The following RALYL variants were observed in gnomAD, a reference collection of about 807,000 sequenced individuals.
RALYL encodes RNA-binding Raly-like protein.
Under a neutral mutation model 35.1 loss-of-function variants are expected in RALYL, and 29 were observed. The ratio of observed to expected loss-of-function variants is 0.83; its 90% CI spans 0.61 to 1.13. The LOEUF (loss-of-function observed/expected upper bound fraction) is 1.13. Ranked by LOEUF, RALYL falls within the 50% of genes most tolerant of loss-of-function variation. The pLI, the probability that RALYL is intolerant of heterozygous loss-of-function variation, is 0.00. For synonymous variants in RALYL, 120 were observed against 127.6 expected (o/e 0.94, Z 0.40); for missense variants, 359 against 360.4 (o/e 1.00, Z 0.03).
intron 2 of RALYL, among the ~76,000 whole-genome samples, chr8:84,537,841 CA>C (rs1331068140): frequency 6.6e-6 from 1 of 152,076 alleles, no homozygotes; most frequent in Non-Finnish European, 1.5e-5. Flanking sequence ...TTTATGAAAA[CA>C]AAAATCTCAG....
At chr8:84,830,154 G>T (rs975292927) in intron 4 of RALYL, among the ~76,000 whole-genome samples, 157 of 151,936 alleles carry the variant, frequency 1.0e-3, no homozygotes, top group Non-Finnish European at 3.8e-4. Context: ...TCACCTCATT[G>T]GACCTCATCT....
intron 1 of RALYL, among the ~76,000 whole-genome samples, chr8:84,491,830 G>A (rs1014854722): frequency 6.6e-6 from 1 of 151,874 alleles, no homozygotes; most frequent in African/African-American, 2.4e-5. Context: ...TCTAAATTGA[G>A]AAGGAAGTTG....
intron 1 of RALYL, among the ~76,000 whole-genome samples, chr8:84,340,403 C>A (rs1334545247): frequency 6.6e-6 from 1 of 152,118 alleles, no homozygotes; most frequent in East Asian, 1.9e-4. Flanking sequence ...TCTTACATAA[C>A]TGAAACACCA....
chr8:84,891,168 T>C (rs1218688051), intron 8 of RALYL, among the ~76,000 whole-genome samples: 2 of 152,064 alleles, frequency 1.3e-5, no homozygotes, highest in African/African-American at 2.4e-5. Flanking sequence ...GGGGCTCAGA[T>C]GCAAGATGAG....
chr8:84,230,871 C>T (rs747517653), intron 1 of RALYL, among the ~76,000 whole-genome samples: 3 of 152,196 alleles, frequency 2.0e-5, no homozygotes, highest in African/African-American at 2.4e-5. Context: ...CATTAAATAG[C>T]GCAGTTGGTA....
intron 1 of RALYL, among the ~76,000 whole-genome samples, chr8:84,457,345 T>A (rs180806625): frequency 6.6e-6 from 1 of 152,132 alleles, no homozygotes. Flanking sequence ...TTAAAATTTT[T>A]AAATACTTTT....
At chr8:84,892,610 TA>T (rs766053248) in intron 8 of RALYL, among the ~76,000 whole-genome samples, 5,301 of 122,216 alleles carry the variant, frequency 0.043, 190 homozygotes, top group African/African-American at 0.1. Context: ...AACTCTGTCT[TA>T]AAAAAAAAAA....
intron 1 of RALYL, among the ~76,000 whole-genome samples, chr8:84,452,211 G>A (rs1303949495): frequency 3.3e-5 from 5 of 149,858 alleles, no homozygotes; most frequent in Non-Finnish European, 5.9e-5. Context: ...CAGGGTGACA[G>A]CTTGGTTTGT....
At chr8:84,276,132 C>CATTGTTTT (rs1207476838) in intron 1 of RALYL, among the ~76,000 whole-genome samples, 1 of 151,956 alleles carries the variant, frequency 6.6e-6, no homozygotes, top group East Asian at 1.9e-4. Flanking sequence ...ATTGGTAATA[C>CATTGTTTT]ATTGTTTTAT....
chr8:84,724,737 C>A (rs1180498160), intron 2 of RALYL, among the ~76,000 whole-genome samples: 2 of 151,734 alleles, frequency 1.3e-5, no homozygotes. Flanking sequence ...ACACTATGTA[C>A]AGTAAGTTGT....
intron 1 of RALYL, among the ~76,000 whole-genome samples, chr8:84,337,348 A>G (rs1483731418): frequency 1.3e-5 from 2 of 149,790 alleles, no homozygotes; most frequent in Admixed American, 6.7e-5. Context: ...TTTTCTTTAT[A>G]TTGAAATGGT....
In RALYL at chr8:84,411,682, T is replaced by G. The variant is rs796683447; in HGVS notation, c.-23-117617T>G. Among the ~76,000 whole-genome samples the G allele has an allele frequency of 2.6e-5, 4 of 152,104 alleles. No individual in the cohort carries two copies. The South Asian group carries it at 6.2e-4, about 24-fold the overall frequency. On this transcript the variant is annotated intron_variant, in intron 1 of 8. Coordinates refer to ENST00000521268, the MANE Select transcript of RALYL (RefSeq NM_173848.7). The stretch of plus-strand genomic sequence containing the variant: ...AATAACTATTATCTATCTTTTCCCC[T>G]AGTGAATAGTGGGCAAAGTTTCAAC...
intron 1 of RALYL, among the ~76,000 whole-genome samples, chr8:84,249,274 A>G (rs1302347883): frequency 1.3e-5 from 2 of 152,116 alleles, no homozygotes; most frequent in Non-Finnish European, 2.9e-5. Context: ...TTCCTACTAT[A>G]ATTTCACTGT....
At chr8:84,281,990 G>A (rs1585906969) in intron 1 of RALYL, among the ~76,000 whole-genome samples, 1 of 151,944 alleles carries the variant, frequency 6.6e-6, no homozygotes, top group Admixed American at 6.6e-5. Context: ...AGCCATTAAT[G>A]TGCCCTTTCA....
chr8:84,532,906 CG>C (rs1225663492), intron 2 of RALYL, among the ~76,000 whole-genome samples: 2 of 151,998 alleles, frequency 1.3e-5, no homozygotes, highest in Admixed American at 1.3e-4. Flanking sequence ...GCACGTCTTT[CG>C]CACCATGATA....
chr8:84,670,415 A>G (rs1430871171), intron 2 of RALYL, among the ~76,000 whole-genome samples: 2 of 149,490 alleles, frequency 1.3e-5, no homozygotes, highest in African/African-American at 2.6e-5. Flanking sequence ...TCTCCCCCAA[A>G]CAAAGTGATG....
intron 2 of RALYL, among the ~76,000 whole-genome samples, chr8:84,612,941 C>T (rs942918536): frequency 4.0e-5 from 6 of 151,634 alleles, no homozygotes; most frequent in Non-Finnish European, 5.9e-5. Flanking sequence ...CTTTAGTTTT[C>T]GTAGTAAAAT....
In RALYL at chr8:84,516,744, C is replaced by A. The variant is rs141535265; in HGVS notation, c.-23-12555C>A. On this transcript the variant is annotated intron_variant, in intron 1 of 8. Coordinates refer to ENST00000521268, the MANE Select transcript of RALYL (RefSeq NM_173848.7). ...ATGCAAGAGGGTATCTGTCTCTGTT[C>A]AGGGTGGATCTCTCTTCAGCTGGGG... Among the ~76,000 whole-genome samples, 780 of 152,244 alleles carry A rather than the reference C, an allele frequency of 5.1e-3. 4 individuals carry two copies. Among genetic ancestry groups the A allele is most frequent in the African/African-American group, 0.018 (750 of 41,540 alleles).
intron 4 of RALYL, among the ~76,000 whole-genome samples, chr8:84,822,697 G>C (rs1308980746): frequency 1.3e-5 from 2 of 152,072 alleles, no homozygotes; most frequent in Non-Finnish European, 2.9e-5. Flanking sequence ...ATGAAGAGTA[G>C]TATCAAAATC....
Sources: allele counts gnomAD v4.1 joint callset (sites outside exome capture counted in the v4.1 genomes callset), GRCh38; gene constraint gnomAD v4.1.1; transcripts MANE v1.5; gene names NCBI Gene and HGNC (gene_info 2026-07-23, HGNC 2026-07-21).